Variants in GAA observed in about 807,000 individuals in gnomAD.
GAA encodes the protein alpha glucosidase.
Under a neutral mutation model 103.9 loss-of-function variants are expected in GAA, and 88 were observed. The ratio of observed to expected loss-of-function variants is 0.85; its 90% CI spans 0.71 to 1.01. The LOEUF (loss-of-function observed/expected upper bound fraction) is 1.01. GAA is among the 50% of genes least tolerant of loss of function. The pLI is 0.00. For missense variants in GAA, 1,350 were observed against 1,305.3 expected (o/e 1.03, Z -0.53); for synonymous variants, 572 against 563.1 (o/e 1.02, Z -0.22).
At chr17:80,111,872 C>T (rs534837797) in intron 11 of GAA, 111 bp from the exon 12 acceptor site, 2 of 857,448 alleles carry the variant, frequency 2.3e-6, no homozygotes, top group Non-Finnish European at 3.8e-6. Context: ...CCAGGGCCAG[C>T]CTGAAGAGGC....
rs143324027 is a variant in GAA at position 80,113,332 on chromosome 17, G to T, written c.2155G>T (p.Ala719Ser). 1.8e-4 allele frequency: 288 copies of T among 1,595,478 alleles called. 1 individual carries two copies. The highest frequency in any genetic ancestry group is 1.9e-4 in the Admixed American group (11 of 57,990). Residue 719 changes from alanine to serine, a missense_variant, in exon 15 of 20, where the codon GCG becomes TCG. By Grantham distance (99) the Ala-to-Ser change is moderately conservative. Coordinates refer to ENST00000302262, the MANE Select transcript of GAA (RefSeq NM_000152.5). ...LYTLFHQAHV[A>S]GETVARPLFL... is the part of the protein sequence containing the mutation. The stretch of plus-strand genomic sequence containing the variant: ...CACACTGTTCCACCAGGCCCACGTC[G>T]CGGGGGAGACCGTGGCCCGGCCCCT...
rs969469818 is a variant in GAA at position 80,104,521 on chromosome 17, G to A, written c.-32-34G>A. 2.1e-5 allele frequency: 31 copies of A among 1,487,440 alleles called. No homozygotes were observed. Among genetic ancestry groups the A allele is most frequent in the South Asian group, 1.9e-4 (15 of 79,134 alleles). The allele number at this position is 1,487,440 out of a possible 1,614,324, so 92.1% of individuals were successfully genotyped here. A position where few individuals can be genotyped will look rare whatever the true frequency, so the allele number is the denominator to read the frequency against. On this transcript the variant is annotated intron_variant, in intron 1 of 19. Transcript: ENST00000302262. The surrounding 1 kb of genome is among the most constrained non-coding windows in gnomAD (Gnocchi z 4.0). Reference sequence around the variant, plus strand: ...GAGCCCCGTGAGTGCCGCCCCTCCCGCCTCCCTGCTGAGCCCGCTTTCTTC... The same window carrying A: ...GAGCCCCGTGAGTGCCGCCCCTCCCACCTCCCTGCTGAGCCCGCTTTCTTC...
chr17:80,104,660 C>T lies in GAA; in HGVS notation c.74C>T (p.Ala25Val), dbSNP rs768867363. 1.9e-6 allele frequency: 3 copies of T among 1,613,346 alleles called. No individual in the cohort carries two copies. The East Asian group carries it at 6.7e-5, about 36-fold the overall frequency. Reference protein sequence around the residue: ...VCALVSLATAALLGHILLHDF... With the variant: ...VCALVSLATAVLLGHILLHDF... The stretch of plus-strand genomic sequence containing the variant: ...GCCCTCGTGTCCTTGGCAACCGCTG[C>T]ACTCCTGGGGCACATCCTACTCCAT... Residue 25 changes from alanine to valine, a missense_variant, in exon 2 of 20, where the codon GCA (alanine) becomes GTA (valine). Physicochemically the swap from Ala to Val is moderately conservative, Grantham distance 64. Coordinates refer to ENST00000302262, the MANE Select transcript of GAA (RefSeq NM_000152.5). This position sits in a 1 kb window ranked among gnomAD's most constrained non-coding sequence, Gnocchi z 4.0.
Position 80,119,409 on chromosome 17 carries a change from T to A in GAA, c.*78T>A. On this transcript the variant is annotated 3_prime_UTR_variant, in exon 20 of 20. Coordinates refer to ENST00000302262, the MANE Select transcript of GAA (RefSeq NM_000152.5). ...AGAGCCTGTGTGCGGGCAGCAGCTG[T>A]GTGCGGGCCTGGGGGTTGCATGTGT... 8.0e-7 allele frequency: 1 copy of A among 1,255,646 alleles called. No individual in the cohort carries two copies. The highest frequency in any genetic ancestry group is 1.9e-4 in the Middle Eastern group (1 of 5,214). The allele number at this position is 1,255,646 out of a possible 1,614,324, so 77.8% of individuals were successfully genotyped here.
At position 80,117,048 on chromosome 17, in the gene GAA, A is replaced by C. The variant is rs768165130; in HGVS notation, c.2270A>C (p.Gln757Pro). The change falls in exon 16 of 20, where the codon CAG (glutamine) becomes CCG (proline). Residue 757 changes from glutamine to proline, a missense_variant. Gln to Pro is a moderately conservative substitution (Grantham distance 76). Coordinates refer to ENST00000302262, the MANE Select transcript of GAA (RefSeq NM_000152.5). Reference sequence around the variant, plus strand: ...GCCCTGCTCATCACCCCAGTGCTCCAGGCCGGGAAGGCCGAAGTGACTGGC... The same window carrying C: ...GCCCTGCTCATCACCCCAGTGCTCCCGGCCGGGAAGGCCGAAGTGACTGGC... ...GEALLITPVL[Q>P]AGKAEVTGYF... 5.0e-6 allele frequency: 8 copies of C among 1,613,524 alleles called. No homozygotes were observed. The South Asian group carries it at 8.8e-5, about 18-fold the overall frequency.
At position 80,119,633 on chromosome 17, in the gene GAA, T is replaced by C. The variant is rs1418524982; in HGVS notation, c.*302T>C. 2.5e-6 allele frequency: 1 copy of C among 403,958 alleles called. No individual in the cohort carries two copies. Among genetic ancestry groups the C allele is most frequent in the Admixed American group, 3.6e-5 (1 of 27,918 alleles). The allele number at this position is 403,958 out of a possible 1,614,324, so 25.0% of individuals were successfully genotyped here. A position where few individuals can be genotyped will look rare whatever the true frequency, so the allele number is the denominator to read the frequency against. On this transcript the variant is annotated 3_prime_UTR_variant, in exon 20 of 20. Transcript: ENST00000302262. Reference sequence around the variant, plus strand: ...ACCTGTTGCCGGCATGCGGGTAGTATTAGCCACCCCCCTCCATCTGTTCCC... The same window carrying C: ...ACCTGTTGCCGGCATGCGGGTAGTACTAGCCACCCCCCTCCATCTGTTCCC...
chr17:80,108,303 G>C lies in GAA; in HGVS notation c.969G>C (p.Gln323His). The change falls in exon 6 of 20, where the codon CAG becomes CAC. Residue 323 changes from glutamine to histidine, a missense_variant. Physicochemically the swap from Gln to His is conservative, Grantham distance 24. Transcript: ENST00000302262. Reference protein sequence around the residue: ...LNSNAMDVVLQPSPALSWRST... With the variant: ...LNSNAMDVVLHPSPALSWRST... ...CTTCCCTTCCAGATGTGGTCCTGCA[G>C]CCGAGCCCTGCCCTTAGCTGGAGGT... 6.2e-7 allele frequency: 1 copy of C among 1,613,622 alleles called. No homozygotes were observed. Among genetic ancestry groups the C allele is most frequent in the African/African-American group, 1.3e-5 (1 of 75,050 alleles).
At position 80,117,623 on chromosome 17, in the gene GAA, C is replaced by T. The variant is rs2143924314; in HGVS notation, c.2355C>T (p.Ser785=). 1.2e-6 allele frequency: 2 copies of T among 1,612,810 alleles called. No homozygotes were observed. The highest frequency in any genetic ancestry group is 1.7e-6 in the Non-Finnish European group (2 of 1,179,922). The stretch of plus-strand genomic sequence containing the variant: ...AGGTGCCAGTAGAGGCCCTTGGCAG[C>T]CTCCCACCCCCACCTGCAGCTCCCC... ...LQTVPVEALG[S]LPPPPAAPRE... is the part of the protein sequence containing the mutation. Residue 785 remains serine, a synonymous_variant, in exon 17 of 20, where the codon AGC becomes AGT. Transcript: ENST00000302262.
intron 8 of GAA, among the ~76,000 whole-genome samples, chr17:80,109,195 T>G (rs1232913535): frequency 6.6e-6 from 1 of 152,208 alleles, no homozygotes; most frequent in Non-Finnish European, 1.5e-5. Context: ...GTGTGCCTTC[T>G]GGCCGTGCCT....
rs1449987220 is a variant in GAA, at chr17:80,105,620, G to T, written c.547-129G>T. ...GAGGGAGCCGAGGCTCAGAGAGGCT[G>T]AATGTGCTGCCCATGGTCCCACATC... On this transcript the variant is annotated intron_variant, in intron 2 of 19. Transcript: ENST00000302262. The T allele has an allele frequency of 1.1e-5, 12 of 1,135,432 alleles. No homozygotes were observed. In the Admixed American group the frequency reaches 2.2e-4, roughly 21 times the overall value. 70.3% of individuals were successfully genotyped at this position (1,135,432 alleles called of 1,614,324 possible). A position where few individuals can be genotyped will look rare whatever the true frequency, so the allele number is the denominator to read the frequency against.
chr17:80,118,711 AG>A lies in GAA; in HGVS notation c.2706del (p.Lys903ArgfsTer2), dbSNP rs1428358278. ...AGTGAGGGAGCTGGCCTGCAGCTGC[AG>A]AAGGTGACTGTCCTGGGCGTGGCCA... ...VTSEGAGLQLQKVTVLGVATA... is the reference protein window; with the variant it reads ...VTSEGAGLQLXKVTVLGVATA... On this transcript the variant is annotated frameshift_variant, in exon 19 of 20. Coordinates refer to ENST00000302262, the MANE Select transcript of GAA (RefSeq NM_000152.5). LOFTEE classifies it high-confidence loss of function. 1 of 1,613,256 alleles carries A rather than the reference AG, an allele frequency of 6.2e-7. No individual in the cohort carries two copies. The highest frequency in any genetic ancestry group is 8.5e-7 in the Non-Finnish European group (1 of 1,179,994).
In GAA at chr17:80,110,957, C is replaced by T; in HGVS notation, c.1568C>T (p.Ser523Phe). The stretch of plus-strand genomic sequence containing the variant: ...CTCTTGCAGGACATGAACGAGCCTT[C>T]CAACTTCATCAGGGGCTCTGAGGAC... ...DGMWIDMNEP[S>F]NFIRGSEDGC... Residue 523 changes from serine (S) to phenylalanine (F), a missense_variant, in exon 11 of 20, where the codon TCC (serine) becomes TTC (phenylalanine). Physicochemically the swap from Ser to Phe is radical, Grantham distance 155 (BLOSUM62 -2). Coordinates refer to ENST00000302262, the MANE Select transcript of GAA (RefSeq NM_000152.5). 1 of 1,613,950 alleles carries T rather than the reference C, an allele frequency of 6.2e-7. No homozygotes were observed. The highest frequency in any genetic ancestry group is 8.5e-7 in the Non-Finnish European group (1 of 1,179,954).
chr17:80,116,835 C>A (rs2039361481), intron 15 of GAA, 133 bp from the exon 16 acceptor site: 1 of 960,730 alleles, frequency 1.0e-6, no homozygotes, highest in Non-Finnish European at 1.6e-6. Context: ...TGACCTGAGT[C>A]CTCCAAGTCC....
In GAA at chr17:80,107,178, G is replaced by A. The variant is rs1010275510; in HGVS notation, c.693-379G>A. Among the ~76,000 whole-genome samples, 4 of 152,196 alleles carry A rather than the reference G, an allele frequency of 2.6e-5. No homozygotes were observed. The highest frequency in any genetic ancestry group is 4.4e-5 in the Non-Finnish European group (3 of 68,034). Reference sequence around the variant, plus strand: ...TGGGCTGGGATCTGGGAGGACTTTGGCCACAAGCTCCTAGGCCTGGAAAGG... The same window carrying A: ...TGGGCTGGGATCTGGGAGGACTTTGACCACAAGCTCCTAGGCCTGGAAAGG... On this transcript the variant is annotated intron_variant, in intron 3 of 19. Coordinates refer to ENST00000302262, the MANE Select transcript of GAA (RefSeq NM_000152.5).
In GAA at chr17:80,108,695, A is replaced by C. The variant is rs765360653; in HGVS notation, c.1195-2A>C. ...GCAGACGGTCCCGTGTTGTGGCTGC[A>C]GGACGTCCAGTGGAACGACCTGGAC... On this transcript the variant is annotated splice_acceptor_variant, in intron 7 of 19. Transcript: ENST00000302262. LOFTEE classifies it high-confidence loss of function. 6.2e-7 allele frequency: 1 copy of C among 1,612,676 alleles called. No individual in the cohort carries two copies.
chr17:80,110,105 C>T (rs200632232), intron 9 of GAA, 50 bp downstream of exon 9: 1 of 1,438,236 alleles, frequency 7.0e-7, no homozygotes, highest in African/African-American at 1.4e-5. Flanking sequence ...GGCCTCCAGC[C>T]AGGGGGAGCC....
rs1005929865 is a variant in GAA, at chr17:80,118,941, T to TTCC, written c.2799+136_2799+137insTCC. 4 of 1,123,136 alleles carry TTCC rather than the reference T, an allele frequency of 3.6e-6. No homozygotes were observed. In the African/African-American group the frequency reaches 6.2e-5, roughly 17 times the overall value. The allele number at this position is 1,123,136 out of a possible 1,614,324, so 69.6% of individuals were successfully genotyped here. On this transcript the variant is annotated intron_variant, in intron 19 of 19. Coordinates refer to ENST00000302262, the MANE Select transcript of GAA (RefSeq NM_000152.5). ...TCCCAAGGGGGTCTTTGGGGAGGAGTGGGAAGGGTCAGGCCACACAGGCTG... is the reference window on the plus strand; with the variant it reads ...TCCCAAGGGGGTCTTTGGGGAGGAGTTCCGGGAAGGGTCAGGCCACACAGGCTG...
At chr17:80,117,144 G>T in intron 16 of GAA, 35 bp downstream of exon 16, 1 of 1,607,114 alleles carries the variant, frequency 6.2e-7, no homozygotes, top group South Asian at 1.1e-5. Context: ...GGGGAGACGG[G>T]AGACCAGAGC....
At chr17:80,102,146 C>T (rs1351850842) in intron 1 of GAA, 1 of 152,314 alleles carries the variant, frequency 6.6e-6, no homozygotes, top group Admixed American at 6.5e-5. Flanking sequence ...GTGCTCAGTC[C>T]TGGCCGGGAC....
Sources: gnomAD v4.1 joint callset for allele counts (sites outside exome capture counted in the v4.1 genomes callset) on GRCh38, gnomAD v4.1.1 for gene constraint, Gnocchi (gnomAD v3.1) non-coding constraint, MANE v1.5 for transcripts, NCBI Gene and HGNC (gene_info 2026-07-23, HGNC 2026-07-21) for gene names.